Variants in CAPRIN1 observed in about 807,000 individuals in gnomAD.
CAPRIN1 encodes caprin-1.
A neutral mutation model predicts 100.9 loss-of-function variants in CAPRIN1; 29 were observed. The ratio of observed to expected loss-of-function variants is 0.29; its 90% CI spans 0.21 to 0.39. CAPRIN1 has a LOEUF of 0.39. CAPRIN1 is among the 10% of genes least tolerant of loss of function. CAPRIN1 has a pLI of 1.00. For synonymous variants in CAPRIN1, 338 were observed against 307.5 expected (o/e 1.10, Z -1.04); for missense variants, 795 against 876.7 (o/e 0.91, Z 1.18).
intron 15 of CAPRIN1, among the ~76,000 whole-genome samples, chr11:34,092,748 CATG>C (rs916182483): frequency 2.0e-5 from 3 of 152,232 alleles, no homozygotes; most frequent in African/African-American, 7.2e-5. Context: ...AGAAAAAACT[CATG>C]GTGGCTGCAT....
At position 34,087,328 on chromosome 11, in the gene CAPRIN1, C is replaced by CTT. The variant is rs1565095087; in HGVS notation, c.1231+915_1231+916insTT. Among the ~76,000 whole-genome samples the CTT allele has an allele frequency of 4.5e-3, 427 of 94,562 alleles. 23 individuals carry two copies. The highest frequency in any genetic ancestry group is 0.017 in the African/African-American group (408 of 23,938). 62.0% of individuals were successfully genotyped at this position (94,562 alleles called of 152,430 possible). On this transcript the variant is annotated intron_variant, in intron 11 of 18. Transcript: ENST00000341394. ...AAGTAAAGGGAGCTCATATCTCTCACATTTTTTTTTTTTTTTTTTTTTTGA... is the reference window on the plus strand; with the variant it reads ...AAGTAAAGGGAGCTCATATCTCTCACTTATTTTTTTTTTTTTTTTTTTTTTGA...
In CAPRIN1 at chr11:34,079,659, T is replaced by G; in HGVS notation, c.720T>G (p.Val240=). The change falls in exon 7 of 19, where the codon GTT becomes GTG. Residue 240 remains valine, a synonymous_variant. Transcript: ENST00000341394. ...TTCTAAAGGAAATTGTTGAGCGTGT[T>G]TTTCAGTCAAACTACTTTGACAGCA... The part of the protein sequence containing the change: ...YKVLKEIVER[V]FQSNYFDSTH... 6.2e-7 allele frequency: 1 copy of G among 1,614,030 alleles called. No individual in the cohort carries two copies. Among genetic ancestry groups the G allele is most frequent in the East Asian group, 2.2e-5 (1 of 44,876 alleles).
At chr11:34,073,633 A>G (rs1348158617) in intron 4 of CAPRIN1, among the ~76,000 whole-genome samples, 1 of 152,090 alleles carries the variant, frequency 6.6e-6, no homozygotes, top group East Asian at 1.9e-4. Context: ...CATGTCAGCC[A>G]GGCTTGTCTC....
intron 2 of CAPRIN1, chr11:34,063,027 G>T (rs985950609): frequency 1.3e-4 from 19 of 151,890 alleles, no homozygotes; most frequent in Admixed American, 6.6e-5. Flanking sequence ...TTTATTTGTG[G>T]AATTTGTTGG....
intron 18 of CAPRIN1, chr11:34,098,676 G>C (rs912033615): frequency 1.0e-6 from 1 of 985,278 alleles, no homozygotes; most frequent in Non-Finnish European, 1.2e-6. Context: ...AAGTATCAAA[G>C]GATGTTTGCA....
rs769902204 is a variant in CAPRIN1 at position 34,082,808 on chromosome 11, AT to A, written c.827-11del. ...CCTAAAAATCCTTTTGTTTTGCACC[AT>A]TTTTTAACCTCTTAGAACCTGAGCC... On this transcript the variant is annotated splice_polypyrimidine_tract_variant and intron_variant, in intron 7 of 18. Transcript: ENST00000341394. 42 of 1,610,174 alleles carry A rather than the reference AT, an allele frequency of 2.6e-5. No homozygotes were observed. Among genetic ancestry groups the A allele is most frequent in the Non-Finnish European group, 3.6e-5 (42 of 1,178,154 alleles).
At chr11:34,085,576 G>T (rs1663276028) in intron 9 of CAPRIN1, among the ~76,000 whole-genome samples, 1 of 152,182 alleles carries the variant, frequency 6.6e-6, no homozygotes, top group Admixed American at 6.5e-5. Context: ...TGCCAAGGCG[G>T]GTGGGTCACA....
At chr11:34,058,363 C>G (rs1031305259) in intron 2 of CAPRIN1, among the ~76,000 whole-genome samples, 1 of 152,196 alleles carries the variant, frequency 6.6e-6, no homozygotes, top group African/African-American at 2.4e-5. Flanking sequence ...TCTCAAACTC[C>G]TGACCTCAAG....
At chr11:34,099,044 T>G in intron 18 of CAPRIN1, 1 of 1,356,926 alleles carries the variant, frequency 7.4e-7, no homozygotes, top group Non-Finnish European at 9.5e-7. Flanking sequence ...TCAATAAATA[T>G]TTGTTGAATG....
chr11:34,065,327 G>T (rs1426129369), intron 2 of CAPRIN1, among the ~76,000 whole-genome samples: 1 of 152,102 alleles, frequency 6.6e-6, no homozygotes, highest in Non-Finnish European at 1.5e-5. Context: ...TTATTTCCAG[G>T]TTCTACTGGG....
chr11:34,078,013 A>T (rs774741942), intron 6 of CAPRIN1, among the ~76,000 whole-genome samples: 1 of 152,182 alleles, frequency 6.6e-6, no homozygotes, highest in Non-Finnish European at 1.5e-5. Context: ...TAAACCTTTA[A>T]GCTTATAGCT....
Position 34,052,778 on chromosome 11 carries a change from C to T in CAPRIN1, c.216+142C>T, listed in dbSNP as rs1260512249. On this transcript the variant is annotated intron_variant, in intron 2 of 18. Coordinates refer to ENST00000341394, the MANE Select transcript of CAPRIN1 (RefSeq NM_005898.5). ...CCTCCCACCCCCTGGCCCACACGCC[C>T]CGTCTCCACGTTCAGCGGGAGCTTC... The T allele has an allele frequency of 2.1e-6, 3 of 1,432,996 alleles. No homozygotes were observed. In the East Asian group the frequency reaches 7.5e-5, roughly 36 times the overall value. The allele number at this position is 1,432,996 out of a possible 1,614,324, so 88.8% of individuals were successfully genotyped here.
chr11:34,095,585 G>T (rs1851354303), intron 15 of CAPRIN1, among the ~76,000 whole-genome samples: 1 of 152,190 alleles, frequency 6.6e-6, no homozygotes. Context: ...TTTTCTCTCT[G>T]CCCCAAAAGG....
intron 11 of CAPRIN1, among the ~76,000 whole-genome samples, chr11:34,087,329 ATTTTTTTT>A (rs5790975): frequency 1.0e-5 from 1 of 96,580 alleles, no homozygotes; most frequent in East Asian, 2.6e-4. Flanking sequence ...TATCTCTCAC[ATTTTTTTT>A]TTTTTTTTTT....
At chr11:34,086,655 A>T (rs1253533008) in intron 11 of CAPRIN1, among the ~76,000 whole-genome samples, 1 of 152,190 alleles carries the variant, frequency 6.6e-6, no homozygotes, top group Non-Finnish European at 1.5e-5. Flanking sequence ...CGCAAGTTTA[A>T]TGAGTTTTTA....
Position 34,089,382 on chromosome 11 carries a change from G to C in CAPRIN1, c.1232-13G>C, listed in dbSNP as rs546532852. Reference sequence around the variant, plus strand: ...AATTTTGTTTGACAAAAATGTTTTGGTCACCTTTGCAGTTCATTCTGAATC... The same window carrying C: ...AATTTTGTTTGACAAAAATGTTTTGCTCACCTTTGCAGTTCATTCTGAATC... On this transcript the variant is annotated splice_polypyrimidine_tract_variant and intron_variant, in intron 11 of 18. Coordinates refer to ENST00000341394, the MANE Select transcript of CAPRIN1 (RefSeq NM_005898.5). The C allele has an allele frequency of 3.0e-4, 465 of 1,570,558 alleles. 6 individuals carry two copies. The South Asian group carries it at 5.0e-3, about 17-fold the overall frequency.
intron 2 of CAPRIN1, chr11:34,052,911 C>G (rs1338266638): frequency 7.7e-7 from 1 of 1,305,600 alleles, no homozygotes; most frequent in East Asian, 3.7e-5. Flanking sequence ...GGCTTTTTGG[C>G]CTTTAGGAGT....
At chr11:34,099,250 G>A in intron 18 of CAPRIN1, 53 bp from the exon 19 acceptor site, 2 of 1,602,054 alleles carry the variant, frequency 1.2e-6, no homozygotes, top group Non-Finnish European at 1.7e-6. Context: ...TCTGCTTGAA[G>A]GCAAAACAAA....
chr11:34,078,178 A>G (rs1850941977), intron 6 of CAPRIN1, among the ~76,000 whole-genome samples: 1 of 152,200 alleles, frequency 6.6e-6, no homozygotes, highest in African/African-American at 2.4e-5. Flanking sequence ...AACTTTTTGA[A>G]AACAGTTTTG....
Sources: allele counts gnomAD v4.1 joint callset (sites outside exome capture counted in the v4.1 genomes callset), GRCh38; gene constraint gnomAD v4.1.1; transcripts MANE v1.5; gene names NCBI Gene and HGNC (gene_info 2026-07-23, HGNC 2026-07-21).